The following AFAP1 variants were observed in gnomAD, a reference collection of about 807,000 sequenced individuals.
AFAP1 encodes actin filament-associated protein 1.
AFAP1 carries 75 observed loss-of-function variants against 93.9 expected under a neutral mutation model. The observed-to-expected ratio is 0.80, with a 90% CI of 0.66 to 0.97. The LOEUF (loss-of-function observed/expected upper bound fraction) is 0.97. AFAP1 is among the 50% of genes least tolerant of loss of function. The pLI is 0.00. For synonymous variants in AFAP1, 517 were observed against 430.7 expected, an observed-to-expected ratio of 1.20 and a Z score of -2.48; for missense variants, 1,201 against 1,050.8, an observed-to-expected ratio of 1.14 and a Z score of -1.98.
chr4:7,854,710 T>C (rs766887308), intron 4 of AFAP1, among the ~76,000 whole-genome samples: 5 of 100,692 alleles, frequency 5.0e-5, no homozygotes, highest in Non-Finnish European at 4.2e-5. Context: ...ACTATCCACT[T>C]ATCTACCTTT....
At chr4:7,901,714 G>A (rs1468853111) in intron 1 of AFAP1, among the ~76,000 whole-genome samples, 2 of 152,232 alleles carry the variant, frequency 1.3e-5, no homozygotes, top group Non-Finnish European at 2.9e-5. Flanking sequence ...ATGAAGATGT[G>A]GACAGGGGGC....
intron 11 of AFAP1, among the ~76,000 whole-genome samples, chr4:7,789,971 A>G (rs1211889808): frequency 6.6e-6 from 1 of 152,236 alleles, no homozygotes; most frequent in East Asian, 1.9e-4. Flanking sequence ...AAAGTTCCTA[A>G]GTATCCCACT....
At chr4:7,794,834 T>C (rs921897179) in intron 10 of AFAP1, among the ~76,000 whole-genome samples, 1 of 152,190 alleles carries the variant, frequency 6.6e-6, no homozygotes, top group African/African-American at 2.4e-5. Context: ...CTTTAAGCCA[T>C]TGTTTTAAAG....
At chr4:7,928,088 A>G (rs1284112834) in intron 1 of AFAP1, among the ~76,000 whole-genome samples, 2 of 152,210 alleles carry the variant, frequency 1.3e-5, no homozygotes, top group African/African-American at 4.8e-5. Flanking sequence ...AGGCAAGAAC[A>G]TGGACCCAGT....
At chr4:7,889,384 T>C (rs1447940700) in intron 1 of AFAP1, among the ~76,000 whole-genome samples, 2 of 151,498 alleles carry the variant, frequency 1.3e-5, no homozygotes, top group African/African-American at 4.8e-5. Context: ...CCATCTCTAC[T>C]AAAATTACAA....
chr4:7,895,530 C>T (rs943851320), intron 1 of AFAP1, among the ~76,000 whole-genome samples: 5 of 152,150 alleles, frequency 3.3e-5, no homozygotes, highest in African/African-American at 1.2e-4. Context: ...TAGCTATTCC[C>T]CACCCCAAAG....
chr4:7,877,199 T>A, intron 1 of AFAP1, among the ~76,000 whole-genome samples: 1 of 152,122 alleles, frequency 6.6e-6, no homozygotes. Context: ...GACAGCAGCC[T>A]AGCAGTACAT....
intron 1 of AFAP1, among the ~76,000 whole-genome samples, chr4:7,887,762 G>A (rs1315343973): frequency 6.6e-6 from 1 of 152,010 alleles, no homozygotes; most frequent in Non-Finnish European, 1.5e-5. Context: ...CTTTCTTCTG[G>A]CTTAGTACGA....
At chr4:7,869,132 AAAG>A (rs1393482782) in intron 2 of AFAP1, among the ~76,000 whole-genome samples, 1 of 151,866 alleles carries the variant, frequency 6.6e-6, no homozygotes, top group African/African-American at 2.4e-5. Flanking sequence ...AAAAGAGAAA[AAAG>A]AATAAAAGAG....
At chr4:7,823,140 C>T (rs1410111113) in intron 6 of AFAP1, among the ~76,000 whole-genome samples, 2 of 151,962 alleles carry the variant, frequency 1.3e-5, no homozygotes, top group Non-Finnish European at 2.9e-5. Context: ...CCACACATGC[C>T]CACAGAGGCC....
chr4:7,839,069 T>C (rs958096968), intron 5 of AFAP1, among the ~76,000 whole-genome samples: 1 of 152,238 alleles, frequency 6.6e-6, no homozygotes, highest in African/African-American at 2.4e-5. Context: ...GCACGATGGC[T>C]CACGCCTGTA....
chr4:7,879,665 C>T (rs911185944), intron 1 of AFAP1, among the ~76,000 whole-genome samples: 1 of 150,386 alleles, frequency 6.6e-6, no homozygotes, highest in Non-Finnish European at 1.5e-5. Context: ...AGCAAAAGGC[C>T]TCTTTGGACT....
In AFAP1 at chr4:7,809,036, G is replaced by A. The variant is rs1011356690; in HGVS notation, c.1054+578C>T. ...CAACAGGAAAGTGACTAACAGTGAC[G>A]TGATAAGGAAGCTTAGTTTTGTTTT... On this transcript the variant is annotated intron_variant, in intron 9 of 17. Transcript: ENST00000420658. Among the ~76,000 whole-genome samples, 6 of 149,556 alleles carry A rather than the reference G, an allele frequency of 4.0e-5. No homozygotes were observed. In the South Asian group the frequency reaches 1.3e-3, roughly 32 times the overall value.
intron 17 of AFAP1, among the ~76,000 whole-genome samples, chr4:7,765,594 G>C (rs1424452737): frequency 6.6e-6 from 1 of 152,230 alleles, no homozygotes; most frequent in East Asian, 1.9e-4. Context: ...GGAGCTACGT[G>C]GATTTGAAAT....
rs776029501 is a variant in AFAP1 at position 7,868,736 on chromosome 4, G to A, written c.128-17C>T. The A allele has an allele frequency of 6.2e-7, 1 of 1,609,154 alleles. No homozygotes were observed. Among genetic ancestry groups the A allele is most frequent in the Non-Finnish European group, 8.5e-7 (1 of 1,177,234 alleles). ...CATCAAAACCTGTAAGAATTAACCA[G>A]AACCACAGAACTGGATGAGGATGGG... On this transcript the variant is annotated splice_polypyrimidine_tract_variant and intron_variant, in intron 2 of 17. Coordinates refer to ENST00000420658, the MANE Select transcript of AFAP1 (RefSeq NM_001134647.2).
chr4:7,793,544 G>T, intron 11 of AFAP1, 137 bp downstream of exon 11: 2 of 1,010,296 alleles, frequency 2.0e-6, no homozygotes, highest in Non-Finnish European at 2.6e-6. Flanking sequence ...GCAAAATTTG[G>T]CTTAAGATAA....
intron 3 of AFAP1, chr4:7,861,980 G>A (rs138101891): frequency 1.3e-5 from 2 of 152,326 alleles, no homozygotes; most frequent in African/African-American, 2.4e-5. Flanking sequence ...TTACTGTGAA[G>A]GTACCTGAGA....
chr4:7,864,167 A>AACTTCTCAT (rs1577313455), intron 3 of AFAP1, among the ~76,000 whole-genome samples: 1 of 125,726 alleles, frequency 8.0e-6, no homozygotes, highest in Non-Finnish European at 1.7e-5. Context: ...ATCACAACCC[A>AACTTCTCAT]CAGGTCCTTT....
At position 7,907,417 on chromosome 4, in the gene AFAP1, GAACT is replaced by G. The variant is rs1221907292; in HGVS notation, c.-3+32235_-3+32238del. 1.1e-4 allele frequency among the ~76,000 whole-genome samples: 16 copies of G among 152,298 alleles called. No homozygotes were observed. The East Asian group carries it at 2.3e-3, about 22-fold the overall frequency. On this transcript the variant is annotated intron_variant, in intron 1 of 17. Transcript: ENST00000420658. The stretch of plus-strand genomic sequence containing the variant: ...ATTGAAACCAGATATCTCAAAGTCA[GAACT>G]AACAGAGGCCTTAAACATCAGATGG...
Sources: gnomAD v4.1 joint callset for allele counts (sites outside exome capture counted in the v4.1 genomes callset) on GRCh38, gnomAD v4.1.1 for gene constraint, MANE v1.5 for transcripts, NCBI Gene and HGNC (gene_info 2026-07-23, HGNC 2026-07-21) for gene names.